Variants in JAK1 observed in about 807,000 individuals in gnomAD.
JAK1 encodes tyrosine-protein kinase JAK1.
A neutral mutation model predicts 136.6 loss-of-function variants in JAK1; 16 were observed. The observed-to-expected ratio is 0.12, with a 90% CI of 0.08 to 0.18. The LOEUF (loss-of-function observed/expected upper bound fraction) is 0.18, where lower values mean the gene tolerates loss of function less well. JAK1 is among the 10% of genes least tolerant of loss of function. The probability of loss-of-function intolerance (pLI) is 1.00; values close to 1 mark genes in which losing one functional copy is unlikely to be tolerated. For synonymous variants in JAK1, 492 were observed against 519.5 expected (o/e 0.95, Z 0.72); for missense variants, 859 against 1,450.1 (o/e 0.59, Z 6.62).
At chr1:64,934,530 G>A (rs1033886904) in intron 1 of JAK1, among the ~76,000 whole-genome samples, 1 of 152,198 alleles carries the variant, frequency 6.6e-6, no homozygotes, top group Non-Finnish European at 1.5e-5. Flanking sequence ...CAGCCATTAC[G>A]AAATGAGAGG....
At chr1:64,883,033 T>C (rs1570700597) in intron 3 of JAK1, among the ~76,000 whole-genome samples, 1 of 152,148 alleles carries the variant, frequency 6.6e-6, no homozygotes, top group Admixed American at 6.5e-5. Flanking sequence ...TATCTTATAG[T>C]TCATTAGTGA....
At chr1:64,887,697 G>T (rs1298696355) in intron 1 of JAK1, among the ~76,000 whole-genome samples, 1 of 152,198 alleles carries the variant, frequency 6.6e-6, no homozygotes, top group Admixed American at 6.5e-5. Flanking sequence ...ATGTGATCTG[G>T]TCTGGGGCTC....
chr1:64,959,189 T>C (rs751304631), intron 1 of JAK1, among the ~76,000 whole-genome samples: 1 of 152,208 alleles, frequency 6.6e-6, no homozygotes, highest in African/African-American at 2.4e-5. Context: ...TTCTTGAGTA[T>C]AAATAATGCC....
intron 2 of JAK1, among the ~76,000 whole-genome samples, chr1:65,014,528 GA>G: frequency 6.6e-6 from 1 of 152,082 alleles, no homozygotes; most frequent in African/African-American, 2.4e-5. Flanking sequence ...AACATCAAAG[GA>G]AAAAATTTGA....
rs368468194 is a variant in JAK1 at position 64,867,076 on chromosome 1, G to A, written c.780C>T (p.Ser260=). Residue 260 remains serine, a synonymous_variant, in exon 7 of 25, where the codon AGC becomes AGT. Coordinates refer to ENST00000342505, the MANE Select transcript of JAK1 (RefSeq NM_002227.4). ...EFNNKTICDS[S]VSTHDLKVKY... Reference sequence around the variant, plus strand: ...TCACCTTCAGGTCATGCGTGGACACGCTGCTGTCACAAATGGTCTTGTTGT... The same window carrying A: ...TCACCTTCAGGTCATGCGTGGACACACTGCTGTCACAAATGGTCTTGTTGT... The A allele has an allele frequency of 5.2e-5, 84 of 1,613,978 alleles. No homozygotes were observed. The highest frequency in any genetic ancestry group is 1.0e-4 in the Admixed American group (6 of 60,006).
intron 5 of JAK1, 99 bp downstream of exon 5, chr1:64,873,271 C>T (rs1410874614): frequency 6.9e-7 from 1 of 1,442,864 alleles, no homozygotes; most frequent in Non-Finnish European, 9.7e-7. Context: ...CCTTAAAGCA[C>T]TCTAGCACCA....
intron 5 of JAK1, among the ~76,000 whole-genome samples, chr1:64,871,719 T>C (rs547311735): frequency 6.6e-6 from 1 of 152,252 alleles, no homozygotes; most frequent in South Asian, 2.1e-4. Context: ...CAATTCTATC[T>C]TCAAGATGAA....
intron 4 of JAK1, chr1:64,876,499 G>C (rs567001558): frequency 6.6e-6 from 1 of 152,272 alleles, no homozygotes; most frequent in East Asian, 1.9e-4. Context: ...AGATGAGGGA[G>C]CCTAAAATAA....
intron 20 of JAK1, among the ~76,000 whole-genome samples, chr1:64,839,145 CAAAAAAAAAA>C: frequency 1.7e-5 from 1 of 59,868 alleles, no homozygotes; most frequent in African/African-American, 5.8e-5. Flanking sequence ...GACTCCGTCT[CAAAAAAAAAA>C]AAAAAAAAAA....
rs980821982 is a variant in JAK1, at chr1:64,869,575, C to T, written c.484-101G>A. 24 of 866,752 alleles carry T rather than the reference C, an allele frequency of 2.8e-5. 2 individuals are homozygous for T. The highest frequency in any genetic ancestry group is 1.8e-4 in the South Asian group (11 of 62,318). 53.7% of individuals were successfully genotyped at this position (866,752 alleles called of 1,614,324 possible). A position where few individuals can be genotyped will look rare whatever the true frequency, so the allele number is the denominator to read the frequency against. On this transcript the variant is annotated intron_variant, in intron 5 of 24. Transcript: ENST00000342505. ...GCCGCCTAGAAACGCAGCACAGCAACGAGACGAATCAGATTGGCAGTTTCT... is the reference window on the plus strand; with the variant it reads ...GCCGCCTAGAAACGCAGCACAGCAATGAGACGAATCAGATTGGCAGTTTCT...
intron 1 of JAK1, among the ~76,000 whole-genome samples, chr1:64,897,814 G>T (rs1304516330): frequency 1.3e-5 from 2 of 151,958 alleles, no homozygotes; most frequent in Non-Finnish European, 1.5e-5. Context: ...GTGGGGTGGG[G>T]GTTCTCACAC....
intron 2 of JAK1, chr1:64,992,257 GTAGTCCAAGC>G (rs1163414075): frequency 6.6e-6 from 1 of 152,160 alleles, no homozygotes; most frequent in Non-Finnish European, 1.5e-5. Context: ...GCTCACGTCT[GTAGTCCAAGC>G]TACTCAGGAG....
At chr1:64,852,808 G>A (rs1002254921) in intron 11 of JAK1, among the ~76,000 whole-genome samples, 13 of 152,166 alleles carry the variant, frequency 8.5e-5, no homozygotes, top group South Asian at 2.1e-4. Flanking sequence ...GCAAGGGAAC[G>A]GCTGCCTTCA....
intron 2 of JAK1, among the ~76,000 whole-genome samples, chr1:64,977,229 A>G (rs1646504506): frequency 6.6e-6 from 1 of 152,138 alleles, no homozygotes; most frequent in Non-Finnish European, 1.5e-5. Context: ...AGCTCACTCC[A>G]GCCTTGACCT....
rs1183218798 is a variant in JAK1, at chr1:64,928,778, C to CAAAAAAAAAAAAAA, written c.-78+37541_-78+37554dup. Among the ~76,000 whole-genome samples the CAAAAAAAAAAAAAA allele has an allele frequency of 5.9e-4, 36 of 61,124 alleles. 1 individual carries two copies. The highest frequency in any genetic ancestry group is 1.3e-3 in the African/African-American group (22 of 17,548). The allele number at this position is 61,124 out of a possible 152,430, so 40.1% of individuals were successfully genotyped here. On this transcript the variant is annotated intron_variant, in intron 1 of 24. Coordinates refer to ENST00000342505, the MANE Select transcript of JAK1 (RefSeq NM_002227.4). ...AGGTTCTGAGTGCTATAAAACTCTG[C>CAAAAAAAAAAAAAA]AAAAAAAAAAAAAAAAAACAAAAAA...
intron 1 of JAK1, among the ~76,000 whole-genome samples, chr1:64,929,274 T>C (rs944267965): frequency 6.6e-6 from 1 of 152,226 alleles, no homozygotes; most frequent in African/African-American, 2.4e-5. Context: ...GTCTTGCAGT[T>C]TGTAATAAAG....
At chr1:64,845,199 C>T (rs1655149148) in intron 15 of JAK1, among the ~76,000 whole-genome samples, 1 of 152,214 alleles carries the variant, frequency 6.6e-6, no homozygotes, top group African/African-American at 2.4e-5. Context: ...CTACTAGATG[C>T]TGGCAGTTCA....
chr1:64,913,686 A>AGGAG (rs1423349397), intron 1 of JAK1, among the ~76,000 whole-genome samples: 5 of 28,918 alleles, frequency 1.7e-4, no homozygotes, highest in African/African-American at 5.2e-4. Context: ...GAAGGAAGGA[A>AGGAG]GGAAGGAAGG....
intron 1 of JAK1, among the ~76,000 whole-genome samples, chr1:65,064,938 C>G (rs1557783316): frequency 6.6e-6 from 1 of 152,174 alleles, no homozygotes; most frequent in Admixed American, 6.5e-5. Context: ...ATTCAGTGGT[C>G]TAGGTACCCA....
Sources: allele counts gnomAD v4.1 joint callset (sites outside exome capture counted in the v4.1 genomes callset), GRCh38; gene constraint gnomAD v4.1.1; transcripts MANE v1.5; gene names NCBI Gene and HGNC (gene_info 2026-07-23, HGNC 2026-07-21).